Variants in TMTC1 observed in about 807,000 individuals in gnomAD.
TMTC1 encodes transmembrane O-mannosyltransferase targeting cadherins 1, also known as protein O-mannosyl-transferase TMTC1.
A neutral mutation model predicts 104.8 loss-of-function variants in TMTC1; 73 were observed. That is an observed-to-expected ratio of 0.70 (90% CI 0.58 to 0.85). The LOEUF (loss-of-function observed/expected upper bound fraction) is 0.85. Ranked by LOEUF, TMTC1 falls within the 40% of genes least tolerant of loss-of-function variation. The probability of loss-of-function intolerance (pLI) is 0.00; values close to 1 mark genes in which losing one functional copy is unlikely to be tolerated. For synonymous variants in TMTC1, 434 were observed against 428.7 expected, an observed-to-expected ratio of 1.01 and a Z score of -0.15; for missense variants, 1,035 against 1,096.1, an observed-to-expected ratio of 0.94 and a Z score of 0.79.
At chr12:29,514,905 T>C (rs760252015) in intron 15 of TMTC1, among the ~76,000 whole-genome samples, 10 of 150,438 alleles carry the variant, frequency 6.6e-5, no homozygotes, top group Non-Finnish European at 1.5e-4. Context: ...TCCCGGCTAC[T>C]GGGGGGGCTG....
At chr12:29,760,125 T>G (rs1382603757) in intron 2 of TMTC1, among the ~76,000 whole-genome samples, 2 of 152,192 alleles carry the variant, frequency 1.3e-5, no homozygotes, top group Non-Finnish European at 2.9e-5. Context: ...CCATAGCATC[T>G]AGGTTTGTAT....
intron 5 of TMTC1, chr12:29,658,654 G>A (rs772470872): frequency 1.9e-5 from 4 of 209,948 alleles, no homozygotes; most frequent in East Asian, 1.1e-4. Flanking sequence ...CTTCCTTTTC[G>A]AACAGGAACC....
intron 8 of TMTC1, among the ~76,000 whole-genome samples, chr12:29,579,725 C>A (rs1565684723): frequency 6.6e-6 from 1 of 152,154 alleles, no homozygotes; most frequent in East Asian, 1.9e-4. Context: ...TGTCACTAGG[C>A]CCAACCAGAG....
rs822871 is a variant in TMTC1, at chr12:29,505,358, C to G, written c.*1488G>C. ...TGCCTGGAGTGTTTTGGTTTTGTCTCTAATGATGAAGACCAAATTAGAAAC... is the reference window on the plus strand; with the variant it reads ...TGCCTGGAGTGTTTTGGTTTTGTCTGTAATGATGAAGACCAAATTAGAAAC... On this transcript the variant is annotated 3_prime_UTR_variant, in exon 18 of 18. Transcript: ENST00000539277. 1 of 151,844 alleles carries G rather than the reference C, an allele frequency of 6.6e-6. No individual in the cohort carries two copies. Among genetic ancestry groups the G allele is most frequent in the East Asian group, 1.9e-4 (1 of 5,178 alleles). 9.4% of individuals were successfully genotyped at this position (151,844 alleles called of 1,614,324 possible).
chr12:29,688,449 T>G (rs935059159), intron 5 of TMTC1, among the ~76,000 whole-genome samples: 2 of 152,292 alleles, frequency 1.3e-5, no homozygotes, highest in Middle Eastern at 3.4e-3. Flanking sequence ...CTGTTCCCCA[T>G]TAGAGAAGAG....
At chr12:29,725,172 CA>C (rs1265376667) in intron 5 of TMTC1, among the ~76,000 whole-genome samples, 3 of 150,568 alleles carry the variant, frequency 2.0e-5, no homozygotes, top group Middle Eastern at 3.2e-3. Context: ...CACCTGCCAC[CA>C]TGTCTGGCTA....
intron 6 of TMTC1, among the ~76,000 whole-genome samples, chr12:29,626,995 G>A (rs574166433): frequency 2.0e-5 from 3 of 152,160 alleles, no homozygotes; most frequent in Admixed American, 1.3e-4. Context: ...TCAGCTACTC[G>A]GGAGGCTGAG....
chr12:29,517,783 T>C (rs1024873809), intron 13 of TMTC1, among the ~76,000 whole-genome samples: 2 of 152,122 alleles, frequency 1.3e-5, no homozygotes, highest in African/African-American at 4.8e-5. Flanking sequence ...TGGCACAATC[T>C]TGGCTCATGC....
Position 29,572,226 on chromosome 12 carries a change from G to A in TMTC1, c.1419-8C>T. 6.3e-7 allele frequency: 1 copy of A among 1,593,408 alleles called. No individual in the cohort carries two copies. Among genetic ancestry groups the A allele is most frequent in the Non-Finnish European group, 8.6e-7 (1 of 1,161,808 alleles). On this transcript the variant is annotated splice_region_variant and splice_polypyrimidine_tract_variant and intron_variant, in intron 8 of 17. Transcript: ENST00000539277. ...AGAGTTTGAACTCCAGACCTAAAAT[G>A]AATAAATTTTTAAAAAGAATTATTT...
chr12:29,766,016 C>A (rs1943455384), intron 2 of TMTC1, among the ~76,000 whole-genome samples: 1 of 152,158 alleles, frequency 6.6e-6, no homozygotes, highest in African/African-American at 2.4e-5. Context: ...AGTTACCTGT[C>A]ATTACAGTCA....
Position 29,710,986 on chromosome 12 carries a change from TA to T in TMTC1, c.938+40679del, listed in dbSNP as rs1167406567. Among the ~76,000 whole-genome samples the T allele has an allele frequency of 1.6e-3, 72 of 44,314 alleles. 2 individuals are homozygous for T. In the East Asian group the frequency reaches 0.042, roughly 26 times the overall value. 29.1% of individuals were successfully genotyped at this position (44,314 alleles called of 152,430 possible). A position where few individuals can be genotyped will look rare whatever the true frequency, so the allele number is the denominator to read the frequency against. ...TATTAATAATATATAAATATATATA[TA>T]TTTTTTCCCCCTCAGAGCAGGGTCT... On this transcript the variant is annotated intron_variant, in intron 5 of 17. Coordinates refer to ENST00000539277, the MANE Select transcript of TMTC1 (RefSeq NM_001193451.2).
chr12:29,669,513 G>A (rs1276875517), intron 5 of TMTC1, among the ~76,000 whole-genome samples: 1 of 152,206 alleles, frequency 6.6e-6, no homozygotes, highest in African/African-American at 2.4e-5. Flanking sequence ...GGGGGACATG[G>A]TGAACACCAG....
intron 5 of TMTC1, among the ~76,000 whole-genome samples, chr12:29,741,053 G>A (rs900346434): frequency 6.6e-6 from 1 of 152,152 alleles, no homozygotes; most frequent in Non-Finnish European, 1.5e-5. Flanking sequence ...TTTAATAAAT[G>A]TTTATTAAAT....
At chr12:29,525,814 A>G (rs1305783113) in intron 11 of TMTC1, among the ~76,000 whole-genome samples, 1 of 152,198 alleles carries the variant, frequency 6.6e-6, no homozygotes, top group Admixed American at 6.5e-5. Flanking sequence ...AATCTAGTTG[A>G]ATCAGTTACC....
intron 11 of TMTC1, among the ~76,000 whole-genome samples, chr12:29,523,127 T>C (rs573834787): frequency 6.6e-6 from 1 of 152,318 alleles, no homozygotes; most frequent in South Asian, 2.1e-4. Flanking sequence ...TGTTCATCCA[T>C]CCAACCTGTC....
chr12:29,633,396 T>C, intron 5 of TMTC1, 60 bp from the exon 6 acceptor site: 1 of 1,383,834 alleles, frequency 7.2e-7, no homozygotes, highest in Non-Finnish European at 9.9e-7. Context: ...TCTGTAAGCG[T>C]TCAGTCACCA....
chr12:29,517,547 A>C lies in TMTC1; in HGVS notation c.2049T>G (p.Ala683=). 3.1e-6 allele frequency: 5 copies of C among 1,613,658 alleles called. No homozygotes were observed. Among genetic ancestry groups the C allele is most frequent in the East Asian group, 2.2e-5 (1 of 44,878 alleles). ...YKRALQVAHK[A]EILSPLGALY... The stretch of plus-strand genomic sequence containing the variant: ...GTGCTCCCAAAGGTGACAATATCTC[A>C]GCTTTGTGTGCCACCTGCAGGGCGC... The change falls in exon 14 of 18, where the codon GCT becomes GCG. Residue 683 remains alanine, a synonymous_variant. Transcript: ENST00000539277.
chr12:29,619,719 T>C (rs1049512502), intron 6 of TMTC1, among the ~76,000 whole-genome samples: 4 of 152,222 alleles, frequency 2.6e-5, no homozygotes, highest in African/African-American at 9.6e-5. Flanking sequence ...GCAATAGCCA[T>C]TTGTAAATAA....
chr12:29,675,127 T>C (rs1020953294), intron 5 of TMTC1, among the ~76,000 whole-genome samples: 1 of 152,006 alleles, frequency 6.6e-6, no homozygotes, highest in Non-Finnish European at 1.5e-5. Flanking sequence ...AGATTCAGCA[T>C]GGTACTTTGT....
Sources: allele counts gnomAD v4.1 joint callset (sites outside exome capture counted in the v4.1 genomes callset), GRCh38; gene constraint gnomAD v4.1.1; transcripts MANE v1.5; gene names NCBI Gene and HGNC (gene_info 2026-07-23, HGNC 2026-07-21).